Variants in CTNNA3 observed in about 807,000 individuals in gnomAD.
CTNNA3 encodes catenin alpha 3, also known as catenin alpha-3.
Under a neutral mutation model 95.7 loss-of-function variants are expected in CTNNA3, and 76 were observed. That is an observed-to-expected ratio of 0.79 (90% CI 0.66 to 0.96). CTNNA3 has a LOEUF of 0.96. Among genes scored for constraint, CTNNA3 ranks in the 40% least tolerant of loss-of-function variants. The pLI, the probability that CTNNA3 is intolerant of heterozygous loss-of-function variation, is 0.00. For missense variants in CTNNA3, 1,191 were observed against 1,089.8 expected, an observed-to-expected ratio of 1.09 and a Z score of -1.31; for synonymous variants, 431 against 374.4, an observed-to-expected ratio of 1.15 and a Z score of -1.74.
At chr10:66,003,329 G>GGTGT (rs376512211) in intron 15 of CTNNA3, among the ~76,000 whole-genome samples, 14 of 149,928 alleles carry the variant, frequency 9.3e-5, no homozygotes, top group East Asian at 3.9e-4. Flanking sequence ...TGGTGGTGGT[G>GGTGT]GTGTGTGTGT....
At chr10:67,700,932 G>A (rs1841033955), upstream of CTNNA3, among the ~76,000 whole-genome samples, 1 of 152,212 alleles carries the variant, frequency 6.6e-6, no homozygotes, top group African/African-American at 2.4e-5. Flanking sequence ...AGTGCTTAAA[G>A]GAGCTGATGG....
intron 11 of CTNNA3, among the ~76,000 whole-genome samples, chr10:66,407,419 C>T (rs556687265): frequency 2.6e-4 from 39 of 151,868 alleles, no homozygotes; most frequent in African/African-American, 7.5e-4. Context: ...TATCTAGCAC[C>T]GATGATAATA....
At chr10:67,426,536 C>G (rs571190714) in intron 5 of CTNNA3, among the ~76,000 whole-genome samples, 1 of 152,150 alleles carries the variant, frequency 6.6e-6, no homozygotes, top group Admixed American at 6.5e-5. Flanking sequence ...AATCATCATT[C>G]TGAGCAAACT....
intron 5 of CTNNA3, among the ~76,000 whole-genome samples, chr10:67,403,595 C>T (rs986880683): frequency 6.6e-6 from 1 of 152,220 alleles, no homozygotes; most frequent in Non-Finnish European, 1.5e-5. Context: ...GCCAGGTGGG[C>T]TGCCACCTGT....
chr10:66,367,868 AATAATAATAATAATTATT>A (rs1228304955), intron 12 of CTNNA3, among the ~76,000 whole-genome samples: 3,099 of 84,050 alleles, frequency 0.037, 87 homozygotes, highest in African/African-American at 0.073. Flanking sequence ...TAATAATAAT[AATAATAATAATAATTATT>A]ATTATTATTA....
rs1554854508 is a variant in CTNNA3 at position 67,566,058 on chromosome 10, T to TATATATATAC, written c.293-26390_293-26389insGTATATATAT. Among the ~76,000 whole-genome samples the TATATATATAC allele has an allele frequency of 2.9e-4, 25 of 85,584 alleles. 4 individuals are homozygous for TATATATATAC. The South Asian group carries it at 0.012, about 39-fold the overall frequency. The allele number at this position is 85,584 out of a possible 152,430, so 56.1% of individuals were successfully genotyped here. The stretch of plus-strand genomic sequence containing the variant: ...ATGTGTGTGTGTATATATATATATA[T>TATATATATAC]ATATATATATATATACAAAACCTAG... On this transcript the variant is annotated intron_variant, in intron 3 of 17. Coordinates refer to ENST00000433211, the MANE Select transcript of CTNNA3 (RefSeq NM_013266.4).
intron 13 of CTNNA3, among the ~76,000 whole-genome samples, chr10:66,207,450 T>A (rs372173859): frequency 1.1e-4 from 16 of 151,956 alleles, no homozygotes; most frequent in East Asian, 3.8e-4. Context: ...ACACAATATA[T>A]TTTTCACCCA....
chr10:65,987,196 G>A (rs1442578692), intron 16 of CTNNA3, among the ~76,000 whole-genome samples: 8 of 151,898 alleles, frequency 5.3e-5, no homozygotes, highest in African/African-American at 1.7e-4. Flanking sequence ...AAACACATGG[G>A]ATTATATCAA....
At chr10:66,485,451 G>A (rs1220026231) in intron 11 of CTNNA3, among the ~76,000 whole-genome samples, 1 of 151,868 alleles carries the variant, frequency 6.6e-6, no homozygotes, top group Non-Finnish European at 1.5e-5. Context: ...CGCTAACAGG[G>A]AACTATCCAA....
intron 10 of CTNNA3, among the ~76,000 whole-genome samples, chr10:66,552,695 T>C (rs563463688): frequency 6.6e-6 from 1 of 151,922 alleles, no homozygotes; most frequent in East Asian, 1.9e-4. Context: ...GGTTGGAGTA[T>C]AATTTTTCTT....
At chr10:67,693,031 G>C (rs1840898846) in intron 1 of CTNNA3, among the ~76,000 whole-genome samples, 1 of 152,168 alleles carries the variant, frequency 6.6e-6, no homozygotes, top group Admixed American at 6.5e-5. Context: ...AAAGAAAAGA[G>C]GTGGGGAGGG....
intron 11 of CTNNA3, among the ~76,000 whole-genome samples, chr10:66,382,184 A>G (rs892332677): frequency 2.6e-5 from 4 of 152,128 alleles, no homozygotes; most frequent in Non-Finnish European, 5.9e-5. Context: ...TAGCCAAGGG[A>G]AGCCATGACA....
chr10:66,901,529 T>G (rs1845744013), intron 7 of CTNNA3, among the ~76,000 whole-genome samples: 1 of 152,154 alleles, frequency 6.6e-6, no homozygotes, highest in South Asian at 2.1e-4. Context: ...CATAACAAAA[T>G]TAACCTTAAA....
intron 1 of CTNNA3, among the ~76,000 whole-genome samples, chr10:67,726,460 TATATGATATA>T (rs1841222603): frequency 7.8e-5 from 3 of 38,358 alleles, no homozygotes; most frequent in South Asian, 2.0e-3. Flanking sequence ...TTATATATGA[TATATGATATA>T]ATATTATATA....
chr10:66,854,236 T>A (rs967859493), intron 7 of CTNNA3, among the ~76,000 whole-genome samples: 2 of 152,100 alleles, frequency 1.3e-5, no homozygotes, highest in Non-Finnish European at 1.5e-5. Flanking sequence ...TTGAAGAATA[T>A]CTCACATTAC....
rs563801799 is a variant in CTNNA3, at chr10:66,987,220, C to A, written c.1047+193097G>T. Among the ~76,000 whole-genome samples, 5 of 152,262 alleles carry A rather than the reference C, an allele frequency of 3.3e-5. No homozygotes were observed. In the South Asian group the frequency reaches 1.0e-3, roughly 32 times the overall value. ...ATATGTTGTAAGGACTTAACTTTTT[C>A]TCTGAATGAAACGGGTGGCCACAAA... On this transcript the variant is annotated intron_variant, in intron 7 of 17. Coordinates refer to ENST00000433211, the MANE Select transcript of CTNNA3 (RefSeq NM_013266.4).
intron 5 of CTNNA3, among the ~76,000 whole-genome samples, chr10:67,295,309 T>A (rs186634272): frequency 7.2e-5 from 11 of 152,350 alleles, no homozygotes; most frequent in Admixed American, 3.9e-4. Flanking sequence ...CAGGATTTTT[T>A]AAAAGTTAAT....
At chr10:66,809,385 C>G (rs2132258134) in intron 7 of CTNNA3, among the ~76,000 whole-genome samples, 1 of 152,050 alleles carries the variant, frequency 6.6e-6, no homozygotes, top group African/African-American at 2.4e-5. Context: ...TAAAAGTATT[C>G]CTAGGTATTC....
rs536646809 is a variant in CTNNA3, at chr10:66,754,571, A to G, written c.1281+11693T>C. 2.6e-5 allele frequency among the ~76,000 whole-genome samples: 4 copies of G among 152,306 alleles called. No individual in the cohort carries two copies. In the East Asian group the frequency reaches 7.7e-4, roughly 29 times the overall value. ...TTCAGAGAATACCATCAAAAAAGGGAAAAGAGAACCCACAGCATGGAAGAA... is the reference window on the plus strand; with the variant it reads ...TTCAGAGAATACCATCAAAAAAGGGGAAAGAGAACCCACAGCATGGAAGAA... On this transcript the variant is annotated intron_variant, in intron 9 of 17. Transcript: ENST00000433211.
Sources: allele counts gnomAD v4.1 joint callset (sites outside exome capture counted in the v4.1 genomes callset), GRCh38; gene constraint gnomAD v4.1.1; transcripts MANE v1.5; gene names NCBI Gene and HGNC (gene_info 2026-07-23, HGNC 2026-07-21).